CNNM2: variants seen among roughly 807,000 people sequenced by gnomAD.
The protein encoded by CNNM2 is cyclin and CBS domain divalent metal cation transport mediator 2.
CNNM2 carries 12 observed loss-of-function variants against 66.9 expected under a neutral mutation model. The observed-to-expected ratio is 0.18, with a 90% CI of 0.11 to 0.29. CNNM2 has a LOEUF of 0.29. CNNM2 is among the 10% of genes least tolerant of loss of function. The pLI, the probability that CNNM2 is intolerant of heterozygous loss-of-function variation, is 1.00. For missense variants in CNNM2, 705 were observed against 1,167.7 expected (o/e 0.60, Z 5.77); for synonymous variants, 557 against 501.8 (o/e 1.11, Z -1.47).
chr10:102,931,333 T>C (rs1482521104), intron 1 of CNNM2, among the ~76,000 whole-genome samples: 5 of 150,322 alleles, frequency 3.3e-5, no homozygotes, highest in Non-Finnish European at 7.4e-5. Context: ...GTGTTAAGAG[T>C]GTGGACATGT....
intron 1 of CNNM2, among the ~76,000 whole-genome samples, chr10:102,997,405 A>G (rs1355997648): frequency 6.6e-6 from 1 of 152,152 alleles, no homozygotes; most frequent in Non-Finnish European, 1.5e-5. Context: ...TTGAAGATGC[A>G]TGTTCTTTCC....
chr10:102,934,010 T>G (rs1021814066), intron 1 of CNNM2, among the ~76,000 whole-genome samples: 1 of 148,578 alleles, frequency 6.7e-6, no homozygotes, highest in Admixed American at 6.7e-5. Context: ...ATTTTAACTT[T>G]TTTTTTTTTT....
At chr10:103,031,845 G>A (rs1163400616) in intron 1 of CNNM2, among the ~76,000 whole-genome samples, 3 of 151,938 alleles carry the variant, frequency 2.0e-5, no homozygotes, top group South Asian at 2.1e-4. Flanking sequence ...ATGCGGGGGG[G>A]GCGTGAGGGG....
chr10:103,024,365 C>T (rs1053963911), intron 1 of CNNM2, among the ~76,000 whole-genome samples: 5 of 152,074 alleles, frequency 3.3e-5, no homozygotes, highest in Admixed American at 2.6e-4. Context: ...AAAAATATTT[C>T]AAAACAGATT....
intron 1 of CNNM2, among the ~76,000 whole-genome samples, chr10:102,988,589 G>GT (rs1384116826): frequency 6.6e-6 from 1 of 152,092 alleles, no homozygotes; most frequent in Non-Finnish European, 1.5e-5. Flanking sequence ...TACAGTTTGA[G>GT]TGAATGTCTC....
At chr10:102,972,553 G>A (rs2063562020) in intron 1 of CNNM2, among the ~76,000 whole-genome samples, 1 of 152,158 alleles carries the variant, frequency 6.6e-6, no homozygotes, top group Admixed American at 6.6e-5. Context: ...AGGAGAAGGC[G>A]TGAACCCGGG....
In CNNM2 at chr10:102,918,382, C is replaced by G. The variant is rs921383268; in HGVS notation, c.-99C>G. 27 of 1,521,080 alleles carry G rather than the reference C, an allele frequency of 1.8e-5. No homozygotes were observed. In the Middle Eastern group the frequency reaches 6.3e-4, roughly 35 times the overall value. 94.2% of individuals were successfully genotyped at this position (1,521,080 alleles called of 1,614,324 possible). On this transcript the variant is annotated 5_prime_UTR_variant, in exon 1 of 8. Transcript: ENST00000369878. This position sits in a 1 kb window ranked among gnomAD's most constrained non-coding sequence, Gnocchi z 4.1. ...AGTCAGGGAGGCGAACTGCTGAGCA[C>G]TGGCCGCGGACGCTCCGTTGCAGTC...
At chr10:102,985,996 A>G (rs1438820072) in intron 1 of CNNM2, among the ~76,000 whole-genome samples, 1 of 152,046 alleles carries the variant, frequency 6.6e-6, no homozygotes, top group Non-Finnish European at 1.5e-5. Flanking sequence ...CCTCCAGACC[A>G]TGTCTGTGCT....
chr10:103,053,532 C>T (rs2065249636), intron 2 of CNNM2, among the ~76,000 whole-genome samples: 2 of 152,090 alleles, frequency 1.3e-5, no homozygotes, highest in African/African-American at 2.4e-5. Context: ...AGAAAAGAAA[C>T]CAAAAGAAGA....
intron 1 of CNNM2, among the ~76,000 whole-genome samples, chr10:102,952,605 T>C (rs1252619604): frequency 1.4e-5 from 2 of 143,504 alleles, no homozygotes; most frequent in Admixed American, 1.4e-4. Context: ...GATGACATAG[T>C]GAGACCCTGT....
At position 102,918,347 on chromosome 10, in the gene CNNM2, A is replaced by G; in HGVS notation, c.-134A>G. The G allele has an allele frequency of 7.1e-7, 1 of 1,414,678 alleles. No homozygotes were observed. The highest frequency in any genetic ancestry group is 9.4e-7 in the Non-Finnish European group (1 of 1,069,226). 87.6% of individuals were successfully genotyped at this position (1,414,678 alleles called of 1,614,324 possible). On this transcript the variant is annotated 5_prime_UTR_variant, in exon 1 of 8. Transcript: ENST00000369878. This position sits in a 1 kb window ranked among gnomAD's most constrained non-coding sequence, Gnocchi z 4.1. Reference sequence around the variant, plus strand: ...GGGGTTCCTCAGCTGGCTGAGGTGGAGTCAGTGTCAGTCAGGGAGGCGAAC... The same window carrying G: ...GGGGTTCCTCAGCTGGCTGAGGTGGGGTCAGTGTCAGTCAGGGAGGCGAAC...
chr10:103,000,224 G>A (rs938101079), intron 1 of CNNM2, among the ~76,000 whole-genome samples: 1 of 150,542 alleles, frequency 6.6e-6, no homozygotes, highest in Non-Finnish European at 1.5e-5. Flanking sequence ...TGACAAGAGC[G>A]AAACTCCGTC....
intron 1 of CNNM2, among the ~76,000 whole-genome samples, chr10:102,950,016 TTAC>T (rs1203847090): frequency 1.3e-5 from 2 of 152,148 alleles, no homozygotes; most frequent in Non-Finnish European, 2.9e-5. Context: ...ACTATAGAAC[TTAC>T]TATCTAATAG....
intron 4 of CNNM2, among the ~76,000 whole-genome samples, chr10:103,058,414 A>G (rs560180343): frequency 6.6e-6 from 1 of 152,340 alleles, no homozygotes; most frequent in East Asian, 1.9e-4. Flanking sequence ...TGGAATATTG[A>G]CATTGTGAAT....
At chr10:102,925,583 G>T (rs372473487) in intron 1 of CNNM2, among the ~76,000 whole-genome samples, 1 of 152,194 alleles carries the variant, frequency 6.6e-6, no homozygotes, top group Non-Finnish European at 1.5e-5. Context: ...TAGATCCCAT[G>T]TCCCTGACTT....
chr10:102,981,358 C>A (rs1018078095), intron 1 of CNNM2, among the ~76,000 whole-genome samples: 2 of 151,384 alleles, frequency 1.3e-5, no homozygotes, highest in African/African-American at 2.4e-5. Flanking sequence ...CAAAAAAAAA[C>A]CCCAAAACAA....
At chr10:103,012,697 A>G (rs1291796752) in intron 1 of CNNM2, among the ~76,000 whole-genome samples, 1 of 149,114 alleles carries the variant, frequency 6.7e-6, no homozygotes, top group Non-Finnish European at 1.5e-5. Flanking sequence ...GAGTGATCTA[A>G]TCCTTGACAA....
At chr10:102,946,883 A>T (rs1022524846) in intron 1 of CNNM2, among the ~76,000 whole-genome samples, 1 of 152,222 alleles carries the variant, frequency 6.6e-6, no homozygotes, top group Non-Finnish European at 1.5e-5. Flanking sequence ...ACTTGGAAAA[A>T]ACAATATTGT....
chr10:102,985,430 A>G (rs538490139), intron 1 of CNNM2, among the ~76,000 whole-genome samples: 1 of 152,278 alleles, frequency 6.6e-6, no homozygotes, highest in South Asian at 2.1e-4. Flanking sequence ...GAACTCTGAA[A>G]GCTTCTTTAC....
Sources: gnomAD v4.1 joint callset for allele counts (sites outside exome capture counted in the v4.1 genomes callset) on GRCh38, gnomAD v4.1.1 for gene constraint, Gnocchi (gnomAD v3.1) non-coding constraint, MANE v1.5 for transcripts, NCBI Gene and HGNC (gene_info 2026-07-23, HGNC 2026-07-21) for gene names.